The following NRXN1 variants were observed in gnomAD, a reference collection of about 807,000 sequenced individuals.
NRXN1 encodes the protein neurexin 1.
NRXN1 carries 39 observed loss-of-function variants against 150.9 expected under a neutral mutation model. That is an observed-to-expected ratio of 0.26 (90% CI 0.20 to 0.34). NRXN1 has a LOEUF of 0.34. NRXN1 is among the 10% of genes least tolerant of loss of function. The pLI, the probability that NRXN1 is intolerant of heterozygous loss-of-function variation, is 1.00. For missense variants in NRXN1, 1,815 were observed against 1,949.9 expected, an observed-to-expected ratio of 0.93 and a Z score of 1.30; for synonymous variants, 924 against 757.0, an observed-to-expected ratio of 1.22 and a Z score of -3.62.
rs572128037 is a variant in NRXN1, at chr2:50,448,083, G to A, written c.3364+17359C>T. ...ACACCAGGAGACCTTTCTCTACTCC[G>A]TGCTATTAAGCTACTTTTGAGGGGA... On this transcript the variant is annotated intron_variant, in intron 17 of 22. Coordinates refer to ENST00000401669, the MANE Select transcript of NRXN1 (RefSeq NM_001330078.2). 9.2e-5 allele frequency among the ~76,000 whole-genome samples: 14 copies of A among 152,028 alleles called. No individual in the cohort carries two copies. In the South Asian group the frequency reaches 2.3e-3, roughly 25 times the overall value.
chr2:50,003,191 T>C (rs1684222066), intron 21 of NRXN1, among the ~76,000 whole-genome samples: 1 of 152,098 alleles, frequency 6.6e-6, no homozygotes, highest in Non-Finnish European at 1.5e-5. Flanking sequence ...ATATACCACT[T>C]CTGTCATTAG....
chr2:50,503,008 TC>T lies in NRXN1; in HGVS notation c.2497+3486del, dbSNP rs1451375571. ...AGTTGTACCTGGAACATCCTGTTAT[TC>T]CGAGAAGTAAGAAAAGGGCCAGGCA... On this transcript the variant is annotated intron_variant, in intron 13 of 22. Transcript: ENST00000401669. Among the ~76,000 whole-genome samples, 19 of 152,070 alleles carry T rather than the reference TC, an allele frequency of 1.2e-4. No homozygotes were observed. In the East Asian group the frequency reaches 3.7e-3, roughly 29 times the overall value.
chr2:50,348,566 T>C (rs1470129118), intron 17 of NRXN1, among the ~76,000 whole-genome samples: 2 of 152,210 alleles, frequency 1.3e-5, no homozygotes, highest in Non-Finnish European at 2.9e-5. Context: ...CATCAGGAAA[T>C]GAAAATTCCT....
chr2:50,148,297 G>A (rs554997865), intron 18 of NRXN1, among the ~76,000 whole-genome samples: 2 of 151,606 alleles, frequency 1.3e-5, no homozygotes, highest in South Asian at 4.1e-4. Flanking sequence ...CTTAACCTCT[G>A]TTTATGTCAG....
chr2:50,810,876 A>G (rs1460803634), intron 5 of NRXN1, among the ~76,000 whole-genome samples: 1 of 152,008 alleles, frequency 6.6e-6, no homozygotes, highest in Non-Finnish European at 1.5e-5. Flanking sequence ...GCTACTCGGG[A>G]GGCTGAGGCA....
chr2:50,698,341 T>C (rs528141003), intron 5 of NRXN1, among the ~76,000 whole-genome samples: 15 of 152,218 alleles, frequency 9.9e-5, no homozygotes, highest in Non-Finnish European at 1.9e-4. Flanking sequence ...CCAAAGGATA[T>C]ATGCTATCAC....
In NRXN1 at chr2:49,946,309, G is replaced by A. The variant is rs1672881434; in HGVS notation, c.4129-2518C>T. Reference sequence around the variant, plus strand: ...TAGACCTTTGTCAGACAGATAGATTGCAAAAATTTCCTCCCATTCTGTAGG... The same window carrying A: ...TAGACCTTTGTCAGACAGATAGATTACAAAAATTTCCTCCCATTCTGTAGG... On this transcript the variant is annotated intron_variant, in intron 21 of 22. Coordinates refer to ENST00000401669, the MANE Select transcript of NRXN1 (RefSeq NM_001330078.2). Among the ~76,000 whole-genome samples the A allele has an allele frequency of 2.6e-5, 4 of 152,152 alleles. No homozygotes were observed. In the South Asian group the frequency reaches 8.3e-4, roughly 32 times the overall value.
intron 5 of NRXN1, among the ~76,000 whole-genome samples, chr2:50,656,748 G>GA (rs879603025): frequency 7.5e-4 from 99 of 132,700 alleles, no homozygotes; most frequent in East Asian, 3.1e-3. Context: ...AGCTTACAAA[G>GA]AAAAAAAAAA....
At chr2:51,026,962 C>A (rs191477815) in intron 2 of NRXN1, among the ~76,000 whole-genome samples, 3 of 152,330 alleles carry the variant, frequency 2.0e-5, no homozygotes, top group Non-Finnish European at 2.9e-5. Flanking sequence ...CAGAGCACTG[C>A]CCGTGAACCC....
intron 5 of NRXN1, among the ~76,000 whole-genome samples, chr2:50,663,005 T>C (rs940751415): frequency 6.6e-6 from 1 of 152,064 alleles, no homozygotes; most frequent in South Asian, 2.1e-4. Flanking sequence ...ATGATTCTGA[T>C]AAATCATTAG....
chr2:50,347,009 G>C lies in NRXN1; in HGVS notation c.3365-110039C>G, dbSNP rs1453792678. 1 of 1,380,748 alleles carries C rather than the reference G, an allele frequency of 7.2e-7. No homozygotes were observed. Among genetic ancestry groups the C allele is most frequent in the African/African-American group, 1.6e-5 (1 of 64,460 alleles). 85.5% of individuals were successfully genotyped at this position (1,380,748 alleles called of 1,614,324 possible). A position where few individuals can be genotyped will look rare whatever the true frequency, so the allele number is the denominator to read the frequency against. On this transcript the variant is annotated intron_variant, in intron 17 of 22. Transcript: ENST00000401669. This position sits in a 1 kb window ranked among gnomAD's most constrained non-coding sequence, Gnocchi z 4.9. Reference sequence around the variant, plus strand: ...AGGCAAAGTTTGGGGCGCGGGGAGAGGAGAGGGCGCAGGGGAGCGGGCGGC... The same window carrying C: ...AGGCAAAGTTTGGGGCGCGGGGAGACGAGAGGGCGCAGGGGAGCGGGCGGC...
chr2:50,406,312 A>G (rs1158747161), intron 17 of NRXN1, among the ~76,000 whole-genome samples: 2 of 152,182 alleles, frequency 1.3e-5, no homozygotes, highest in African/African-American at 4.8e-5. Flanking sequence ...GGGAAAAAAA[A>G]GAATAAAAAG....
At chr2:50,338,982 G>A (rs1558555902) in intron 17 of NRXN1, among the ~76,000 whole-genome samples, 2 of 152,124 alleles carry the variant, frequency 1.3e-5, no homozygotes, top group Admixed American at 1.3e-4. Context: ...AAGCAGCTCT[G>A]AAACCTGAAG....
At chr2:50,709,466 G>C (rs989193349) in intron 5 of NRXN1, among the ~76,000 whole-genome samples, 1 of 152,140 alleles carries the variant, frequency 6.6e-6, no homozygotes, top group African/African-American at 2.4e-5. Context: ...AGAGGAAGTA[G>C]CTTGTGAAGT....
chr2:50,996,751 C>T (rs945238700), intron 2 of NRXN1, among the ~76,000 whole-genome samples: 1 of 152,008 alleles, frequency 6.6e-6, no homozygotes, highest in Non-Finnish European at 1.5e-5. Context: ...TGAGCTAGGA[C>T]TCAGTCAACA....
At chr2:50,469,177 G>C (rs1207055984) in intron 16 of NRXN1, among the ~76,000 whole-genome samples, 3 of 151,592 alleles carry the variant, frequency 2.0e-5, no homozygotes, top group Admixed American at 2.0e-4. Flanking sequence ...AACCCTGGGG[G>C]TTGTAATCTA....
At chr2:50,601,809 C>T (rs1676325125) in intron 8 of NRXN1, among the ~76,000 whole-genome samples, 1 of 152,104 alleles carries the variant, frequency 6.6e-6, no homozygotes. Context: ...TTAAAATGTA[C>T]CACTGCATAA....
chr2:50,794,334 C>T (rs1000125924), intron 5 of NRXN1, among the ~76,000 whole-genome samples: 54 of 152,104 alleles, frequency 3.6e-4, no homozygotes, highest in Admixed American at 4.6e-4. Flanking sequence ...TACAATTTAA[C>T]AGTGAGGACA....
At chr2:50,759,722 T>C (rs1309741678) in intron 5 of NRXN1, among the ~76,000 whole-genome samples, 1 of 151,920 alleles carries the variant, frequency 6.6e-6, no homozygotes, top group African/African-American at 2.4e-5. Flanking sequence ...CTTATGCTAT[T>C]CCATTTTATG....
Sources: allele counts gnomAD v4.1 joint callset (sites outside exome capture counted in the v4.1 genomes callset), GRCh38; gene constraint gnomAD v4.1.1; non-coding constraint Gnocchi (gnomAD v3.1); transcripts MANE v1.5; gene names NCBI Gene and HGNC (gene_info 2026-07-23, HGNC 2026-07-21).